Variants in ALAS2 observed in about 807,000 individuals in gnomAD.
ALAS2 encodes 5-aminolevulinate synthase, erythroid-specific, mitochondrial.
Under a neutral mutation model 33.7 loss-of-function variants are expected in ALAS2, and 3 were observed. The ratio of observed to expected loss-of-function variants is 0.09; its 90% CI spans 0.04 to 0.23. The LOEUF is 0.23. Ranked by LOEUF, ALAS2 falls within the 10% of genes least tolerant of loss-of-function variation. The pLI is 1.00. For missense variants in ALAS2, 304 were observed against 475.1 expected (o/e 0.64, Z 3.35); for synonymous variants, 191 against 177.3 (o/e 1.08, Z -0.61).
At chrX:55,020,924 A>T in intron 5 of ALAS2, 128 bp downstream of exon 5, 1 of 557,982 alleles carries the variant, frequency 1.8e-6, no homozygotes, top group Non-Finnish European at 3.0e-6. Flanking sequence ...GATATGATGG[A>T]GGACCTTGGA....
At chrX:55,023,465 G>T (rs1027839122) in intron 4 of ALAS2, among the ~76,000 whole-genome samples, 1 of 110,597 alleles carries the variant, frequency 9.0e-6, no homozygotes, top group Non-Finnish European at 1.9e-5. Flanking sequence ...GCATAGAGAA[G>T]AAATAATGGA....
chrX:55,028,922 A>G (rs1316517882), intron 1 of ALAS2, among the ~76,000 whole-genome samples: 1 of 111,752 alleles, frequency 8.9e-6, no homozygotes, highest in African/African-American at 3.3e-5. Context: ...GGGACCTTAG[A>G]AAAGTCACTT....
intron 2 of ALAS2, 67 bp downstream of exon 2, chrX:55,025,753 A>C (rs1935880926): frequency 1.8e-6 from 2 of 1,082,576 alleles, no homozygotes; most frequent in African/African-American, 3.7e-5. Flanking sequence ...AAAGATGGCC[A>C]GTATAACTTG....
intron 1 of ALAS2, among the ~76,000 whole-genome samples, chrX:55,029,515 G>A (rs1167883850): frequency 4.5e-5 from 5 of 111,750 alleles, no homozygotes; most frequent in Non-Finnish European, 9.4e-5. Flanking sequence ...TTATGGATCT[G>A]TGATTCAAAT....
At chrX:55,011,119 G>T (rs763592141) in intron 10 of ALAS2, among the ~76,000 whole-genome samples, 1 of 110,755 alleles carries the variant, frequency 9.0e-6, no homozygotes, top group African/African-American at 3.3e-5. Flanking sequence ...TGGGGAGGAG[G>T]TGAGGGCATA....
intron 1 of ALAS2, among the ~76,000 whole-genome samples, chrX:55,028,040 C>T (rs1251323585): frequency 8.9e-6 from 1 of 111,958 alleles, no homozygotes; most frequent in African/African-American, 3.2e-5. Context: ...CTCTCTGGAT[C>T]TTGGCCTTCA....
chrX:55,029,145 C>T (rs535547595), intron 1 of ALAS2, among the ~76,000 whole-genome samples: 25 of 111,614 alleles, frequency 2.2e-4, no homozygotes, highest in African/African-American at 6.8e-4. Context: ...AAAAAATGAA[C>T]GTACAGCCAA....
chrX:55,024,524 A>G (rs1389122540), intron 3 of ALAS2, among the ~76,000 whole-genome samples, 194 bp downstream of exon 3: 1 of 111,987 alleles, frequency 8.9e-6, no homozygotes, highest in Non-Finnish European at 1.9e-5. Flanking sequence ...GAGCCCGTAC[A>G]TATGTGTTTG....
In ALAS2 at chrX:55,009,356, G is replaced by GGGGGA. The variant is rs757718740; in HGVS notation, c.1601-18_1601-14dup. On this transcript the variant is annotated splice_polypyrimidine_tract_variant and intron_variant, in intron 10 of 10. Coordinates refer to ENST00000650242, the MANE Select transcript of ALAS2 (RefSeq NM_000032.5). ...AGCAGCAGCTTCTCTGAAGGTGGTA[G>GGGGGA]GGGGAGGGGAGGGAAAAAATGGGTT... is the stretch of plus-strand genomic sequence containing the variant. 8 of 1,192,258 alleles carry GGGGGA rather than the reference G, an allele frequency of 6.7e-6. 1 individual carries two copies. The South Asian group carries it at 1.5e-4, about 22-fold the overall frequency.
chrX:55,024,168 A>G (rs1460712245), intron 3 of ALAS2, among the ~76,000 whole-genome samples: 1 of 112,171 alleles, frequency 8.9e-6, no homozygotes, highest in Non-Finnish European at 1.9e-5. Context: ...TAGATGCAGG[A>G]TAATGTACCT....
At chrX:55,028,137 G>A (rs966172073) in intron 1 of ALAS2, among the ~76,000 whole-genome samples, 3 of 111,165 alleles carry the variant, frequency 2.7e-5, no homozygotes, top group African/African-American at 9.8e-5. Flanking sequence ...CTGGAGATAT[G>A]TGTTTCCCTT....
intron 3 of ALAS2, among the ~76,000 whole-genome samples, chrX:55,024,482 G>C (rs1411818958): frequency 6.3e-5 from 7 of 111,797 alleles, no homozygotes; most frequent in African/African-American, 9.8e-5. Flanking sequence ...ATTCTAGAGG[G>C]CTCATCTTAG....
intron 6 of ALAS2, among the ~76,000 whole-genome samples, chrX:55,019,067 T>C (rs73499025): frequency 0.014 from 1,545 of 111,042 alleles, 27 homozygotes; most frequent in African/African-American, 0.047. Context: ...AGGAAGTAGA[T>C]AGTAAGAGCG....
chrX:55,030,888 G>C, intron 1 of ALAS2, 54 bp downstream of exon 1: 1 of 338,145 alleles, frequency 3.0e-6, no homozygotes, highest in South Asian at 2.7e-5. Flanking sequence ...GTACAGCCCT[G>C]AGAGACCAGC....
chrX:55,009,603 C>T (rs2146712124), intron 10 of ALAS2, among the ~76,000 whole-genome samples: 1 of 111,580 alleles, frequency 9.0e-6, no homozygotes, highest in African/African-American at 3.3e-5. Context: ...GGACCACTCC[C>T]TAAGTATAGG....
At chrX:55,015,469 G>T in intron 8 of ALAS2, 109 bp downstream of exon 8, 1 of 944,457 alleles carries the variant, frequency 1.1e-6, no homozygotes, top group Non-Finnish European at 1.5e-6. Context: ...GCCTGGGGCT[G>T]TGAATTCTGT....
rs6612250 is a variant in ALAS2, at chrX:55,009,124, T to G, written c.*56A>C. 12,911 of 1,172,771 alleles carry G rather than the reference T, an allele frequency of 0.011. 898 individuals are homozygous for G. In the African/African-American group the frequency reaches 0.2, roughly 18 times the overall value. ...CACACAACAAAGCAGAAGACAGGAG[T>G]AGGCCTGGACCCAAGTGAAGCGCAG... is the stretch of plus-strand genomic sequence containing the variant. On this transcript the variant is annotated 3_prime_UTR_variant, in exon 11 of 11. Coordinates refer to ENST00000650242, the MANE Select transcript of ALAS2 (RefSeq NM_000032.5).
At chrX:55,027,615 G>A (rs1434667787) in intron 1 of ALAS2, 1 of 594,154 alleles carries the variant, frequency 1.7e-6, no homozygotes, top group African/African-American at 2.2e-5. Context: ...TGTGAAGAAA[G>A]TTACTGAGTA....
In ALAS2 at chrX:55,014,904, A is replaced by G; in HGVS notation, c.1280T>C (p.Val427Ala). The G allele has an allele frequency of 8.3e-7, 1 of 1,208,635 alleles. No homozygotes were observed. The highest frequency in any genetic ancestry group is 1.1e-6 in the Non-Finnish European group (1 of 893,843). Residue 427 changes from valine to alanine, a missense_variant, in exon 9 of 11, where the codon GTG becomes GCG. Val to Ala is a moderately conservative substitution (Grantham distance 64). Transcript: ENST00000650242. The stretch of plus-strand genomic sequence containing the variant: ...CACAGATTCTAGAGCTCCAGAGAGC[A>G]CCATGGGGGGCAGAGAAGTGGTAAA... ...FIFTTSLPPM[V>A]LSGALESVRL...
Sources: allele counts gnomAD v4.1 joint callset (sites outside exome capture counted in the v4.1 genomes callset), GRCh38; gene constraint gnomAD v4.1.1; transcripts MANE v1.5; gene names NCBI Gene and HGNC (gene_info 2026-07-23, HGNC 2026-07-21).